CHN2: variants seen among roughly 807,000 people sequenced by gnomAD.
CHN2 encodes beta-chimaerin.
Under a neutral mutation model 56.3 loss-of-function variants are expected in CHN2, and 35 were observed. The ratio of observed to expected loss-of-function variants is 0.62; its 90% CI spans 0.47 to 0.82. The LOEUF (loss-of-function observed/expected upper bound fraction) is 0.82, where lower values mean the gene tolerates loss of function less well. CHN2 is among the 40% of genes least tolerant of loss of function. The pLI, the probability that CHN2 is intolerant of heterozygous loss-of-function variation, is 0.00. For synonymous variants in CHN2, 210 were observed against 212.8 expected (o/e 0.99, Z 0.12); for missense variants, 491 against 580.5 (o/e 0.85, Z 1.58).
intron 1 of CHN2, among the ~76,000 whole-genome samples, chr7:29,279,522 A>G (rs969689389): frequency 6.6e-6 from 1 of 152,258 alleles, no homozygotes; most frequent in African/African-American, 2.4e-5. Flanking sequence ...ACCTTCATAG[A>G]AACACTTAAC....
chr7:29,292,590 G>A (rs1792723796), intron 1 of CHN2, among the ~76,000 whole-genome samples: 1 of 152,206 alleles, frequency 6.6e-6, no homozygotes, highest in Admixed American at 6.5e-5. Context: ...AGATTTTTAT[G>A]TATTCACTGG....
At chr7:29,383,915 T>A (rs1338854813) in intron 3 of CHN2, among the ~76,000 whole-genome samples, 1 of 152,144 alleles carries the variant, frequency 6.6e-6, no homozygotes, top group Non-Finnish European at 1.5e-5. Flanking sequence ...ACTTTCGTAG[T>A]CTAGATGAGT....
At chr7:29,217,603 A>G (rs1785442629) in intron 1 of CHN2, among the ~76,000 whole-genome samples, 1 of 152,212 alleles carries the variant, frequency 6.6e-6, no homozygotes, top group Admixed American at 6.5e-5. Context: ...CGCTTTTTAT[A>G]TGAATACAAA....
At chr7:29,390,842 G>A (rs948525120) in intron 3 of CHN2, among the ~76,000 whole-genome samples, 2 of 151,782 alleles carry the variant, frequency 1.3e-5, no homozygotes, top group African/African-American at 4.8e-5. Context: ...TTGTCCCTGG[G>A]AGCCCTAGCC....
chr7:29,378,355 G>A (rs1024983580), intron 3 of CHN2, among the ~76,000 whole-genome samples: 2 of 152,200 alleles, frequency 1.3e-5, no homozygotes, highest in African/African-American at 4.8e-5. Flanking sequence ...GGCCTTTGAG[G>A]CATTGGCAAG....
At position 29,492,586 on chromosome 7, in the gene CHN2, G is replaced by T. The variant is rs73309098; in HGVS notation, c.655-3366G>T. Among the ~76,000 whole-genome samples the T allele has an allele frequency of 3.4e-3, 522 of 152,224 alleles. 5 individuals carry two copies. Among genetic ancestry groups the T allele is most frequent in the African/African-American group, 0.011 (465 of 41,526 alleles). ...CCTATTGTATCAAGTTCATCAACAA[G>T]TCAACTTGCCTTGGTGTTTCCCATC... On this transcript the variant is annotated intron_variant, in intron 7 of 12. Transcript: ENST00000222792.
chr7:29,227,615 A>G (rs1489015350), intron 1 of CHN2, among the ~76,000 whole-genome samples: 1 of 152,162 alleles, frequency 6.6e-6, no homozygotes, highest in Non-Finnish European at 1.5e-5. Flanking sequence ...TTTGAACTGT[A>G]GTCATTTTGC....
At chr7:29,271,947 TC>T (rs1325347110) in intron 1 of CHN2, among the ~76,000 whole-genome samples, 3 of 152,128 alleles carry the variant, frequency 2.0e-5, no homozygotes, top group Non-Finnish European at 2.9e-5. Context: ...ATAGATGAAA[TC>T]CACACAGTAG....
At chr7:29,179,371 C>T (rs1265227256) in intron 2 of CHN2, among the ~76,000 whole-genome samples, 1 of 152,238 alleles carries the variant, frequency 6.6e-6, no homozygotes, top group East Asian at 1.9e-4. Flanking sequence ...TGTCAGCCTT[C>T]TTCAGTCAGC....
At chr7:29,353,640 A>G (rs1368976201) in intron 1 of CHN2, among the ~76,000 whole-genome samples, 1 of 152,150 alleles carries the variant, frequency 6.6e-6, no homozygotes, top group East Asian at 1.9e-4. Context: ...TCAAAAAAAA[A>G]GAAAGAAAGA....
At chr7:29,266,620 C>T (rs1239060710) in intron 1 of CHN2, among the ~76,000 whole-genome samples, 3 of 152,086 alleles carry the variant, frequency 2.0e-5, no homozygotes, top group African/African-American at 7.2e-5. Context: ...CAGGCATGAC[C>T]CCATTTGACA....
intron 1 of CHN2, among the ~76,000 whole-genome samples, chr7:29,293,327 A>C (rs1199504657): frequency 1.4e-3 from 135 of 99,710 alleles, no homozygotes; most frequent in Middle Eastern, 0.015. Context: ...TTGACCCATC[A>C]CTCTACCTAC....
intron 1 of CHN2, among the ~76,000 whole-genome samples, chr7:29,207,638 AGTTTCTCTACTGTGTGCCTGAT>A (rs1450970098): frequency 1.3e-5 from 2 of 152,264 alleles, no homozygotes; most frequent in African/African-American, 2.4e-5. Context: ...CCAGGAAGCA[AGTTTCTCTACTGTGTGCCTGAT>A]GCTCCTGAGT....
chr7:29,482,389 C>T (rs746021427), intron 7 of CHN2, among the ~76,000 whole-genome samples: 7 of 152,178 alleles, frequency 4.6e-5, no homozygotes, highest in Non-Finnish European at 8.8e-5. Flanking sequence ...CTTTGTCCTT[C>T]CTTGCCCTTT....
At chr7:29,390,861 C>T (rs539755065) in intron 3 of CHN2, among the ~76,000 whole-genome samples, 1 of 152,194 alleles carries the variant, frequency 6.6e-6, no homozygotes, top group African/African-American at 2.4e-5. Flanking sequence ...CCCCCAGCCA[C>T]CTATTCTTTC....
intron 1 of CHN2, among the ~76,000 whole-genome samples, chr7:29,243,269 C>T (rs1787825145): frequency 6.6e-6 from 1 of 152,108 alleles, no homozygotes; most frequent in Non-Finnish European, 1.5e-5. Flanking sequence ...TTTTATGTCT[C>T]ATTTTTCATA....
In CHN2 at chr7:29,167,429, T is replaced by C. The variant is rs1724115836; in HGVS notation, c.274+20469T>C. ...CATGAGAGCTATTTCCAGTTTTTCTTTTTGCTTGTTTGATTCGCTGGTACA... is the reference window on the plus strand; with the variant it reads ...CATGAGAGCTATTTCCAGTTTTTCTCTTTGCTTGTTTGATTCGCTGGTACA... On this transcript the variant is annotated intron_variant, in intron 2 of 6. Coordinates refer to the CHN2 transcript ENST00000439384. 2.0e-5 allele frequency among the ~76,000 whole-genome samples: 3 copies of C among 152,196 alleles called. No homozygotes were observed. The South Asian group carries it at 6.2e-4, about 32-fold the overall frequency.
intron 1 of CHN2, among the ~76,000 whole-genome samples, chr7:29,248,777 GAC>G (rs1788270839): frequency 2.0e-5 from 3 of 152,158 alleles, no homozygotes; most frequent in Admixed American, 6.5e-5. Context: ...TACTTTGAGA[GAC>G]ACACACCAGT....
chr7:29,182,545 C>T (rs1798193354), intron 2 of CHN2, among the ~76,000 whole-genome samples: 1 of 152,188 alleles, frequency 6.6e-6, no homozygotes, highest in African/African-American at 2.4e-5. Flanking sequence ...CACGTTAAGC[C>T]TCCTAGAGTA....
Sources: gnomAD v4.1 joint callset for allele counts (sites outside exome capture counted in the v4.1 genomes callset) on GRCh38, gnomAD v4.1.1 for gene constraint, MANE v1.5 for transcripts, NCBI Gene and HGNC (gene_info 2026-07-23, HGNC 2026-07-21) for gene names.